The following MMP19 variants were observed in gnomAD, a reference collection of about 807,000 sequenced individuals.
MMP19 encodes matrix metalloproteinase-19.
A neutral mutation model predicts 46.6 loss-of-function variants in MMP19; 47 were observed. That is an observed-to-expected ratio of 1.01 (90% confidence interval 0.80 to 1.29). The LOEUF (loss-of-function observed/expected upper bound fraction) is 1.29. Among genes scored for constraint, MMP19 ranks in the 50% most tolerant of loss-of-function variants. The probability of loss-of-function intolerance (pLI) is 0.00; values close to 1 mark genes in which losing one functional copy is unlikely to be tolerated. For synonymous variants in MMP19, 222 were observed against 248.5 expected (o/e 0.89, Z 1.00); for missense variants, 589 against 643.5 (o/e 0.92, Z 0.92).
intron 1 of MMP19, 137 bp from the exon 2 acceptor site, chr12:55,842,575 C>T (rs1881772426): frequency 2.3e-6 from 2 of 886,982 alleles, no homozygotes; most frequent in East Asian, 2.4e-5. Context: ...AGAGAAGGGG[C>T]TCAGGTGGAA....
At chr12:55,840,909 G>A in intron 3 of MMP19, 27 bp from the exon 4 acceptor site, 1 of 1,550,336 alleles carries the variant, frequency 6.5e-7, no homozygotes, top group East Asian at 2.3e-5. Context: ...AAACAGATTA[G>A]AAATACAGAT....
In MMP19 at chr12:55,836,970, G is replaced by T; in HGVS notation, c.*66C>A. On this transcript the variant is annotated 3_prime_UTR_variant, in exon 9 of 9. Coordinates refer to ENST00000322569, the MANE Select transcript of MMP19 (RefSeq NM_002429.6). ...TATTAGGCCTTAGGCTTCTGGGGGG[G>T]AAATGAAAGGGTGGGTGGTGGAGCC... 1.4e-6 allele frequency: 2 copies of T among 1,393,334 alleles called. No homozygotes were observed. Among genetic ancestry groups the T allele is most frequent in the Non-Finnish European group, 1.9e-6 (2 of 1,026,176 alleles). The allele number at this position is 1,393,334 out of a possible 1,614,324, so 86.3% of individuals were successfully genotyped here.
chr12:55,836,363 TATA>T lies in MMP19; in HGVS notation c.*670_*672del, dbSNP rs1430932965. 1.3e-5 allele frequency: 2 copies of T among 152,382 alleles called. No homozygotes were observed. The highest frequency in any genetic ancestry group is 4.8e-5 in the African/African-American group (2 of 41,572). 9.4% of individuals were successfully genotyped at this position (152,382 alleles called of 1,614,324 possible). On this transcript the variant is annotated 3_prime_UTR_variant, in exon 9 of 9. Transcript: ENST00000322569. ...AAAGATCTAATAGAGATGCCCTTATTATACAGACTACTGTAAGAGTTATACAGC... is the reference window on the plus strand; with the variant it reads ...AAAGATCTAATAGAGATGCCCTTATTCAGACTACTGTAAGAGTTATACAGC...
chr12:55,836,444 C>CT lies in MMP19; in HGVS notation c.*591dup, dbSNP rs1881217072. 6.6e-6 allele frequency: 1 copy of CT among 152,336 alleles called. No individual in the cohort carries two copies. The allele number at this position is 152,336 out of a possible 1,614,324, so 9.4% of individuals were successfully genotyped here. ...TCCTCTCTTATGAACATGGAGTTAG[C>CT]TTTTATTAAACACAAATGTACCAGA... is the stretch of plus-strand genomic sequence containing the variant. On this transcript the variant is annotated 3_prime_UTR_variant, in exon 9 of 9. Transcript: ENST00000322569.
rs186180551 is a variant in MMP19, at chr12:55,837,591, G to A, written c.1152C>T (p.Leu384=). ...ACACCTTTTGGTTGAGAGGCCAATA[G>A]AGAGCTGCATCCAGGTTAGGTTCTA... The part of the protein sequence containing the change: ...NRVEPNLDAA[L]YWPLNQKVFL... Residue 384 remains leucine (L), a synonymous_variant, in exon 8 of 9, where the codon CTC becomes CTT. Coordinates refer to ENST00000322569, the MANE Select transcript of MMP19 (RefSeq NM_002429.6). 2.6e-4 allele frequency: 414 copies of A among 1,614,210 alleles called. 4 individuals carry two copies. The Admixed American group carries it at 6.4e-3, about 25-fold the overall frequency.
chr12:55,836,941 C>G lies in MMP19; in HGVS notation c.*95G>C. On this transcript the variant is annotated 3_prime_UTR_variant, in exon 9 of 9. Coordinates refer to ENST00000322569, the MANE Select transcript of MMP19 (RefSeq NM_002429.6). ...CTACTGAGCAGACAGGTATTTCATTCAGCTATTAGGCCTTAGGCTTCTGGG... is the reference window on the plus strand; with the variant it reads ...CTACTGAGCAGACAGGTATTTCATTGAGCTATTAGGCCTTAGGCTTCTGGG... 4 of 1,154,570 alleles carry G rather than the reference C, an allele frequency of 3.5e-6. No homozygotes were observed. The highest frequency in any genetic ancestry group is 4.9e-6 in the Non-Finnish European group (4 of 817,086). 71.5% of individuals were successfully genotyped at this position (1,154,570 alleles called of 1,614,324 possible). A position where few individuals can be genotyped will look rare whatever the true frequency, so the allele number is the denominator to read the frequency against.
At chr12:55,838,461 C>T in intron 6 of MMP19, 145 bp downstream of exon 6, 1 of 1,590,212 alleles carries the variant, frequency 6.3e-7, no homozygotes, top group Non-Finnish European at 8.6e-7. Context: ...CCCCATGTCA[C>T]ATGTCTCCTT....
At chr12:55,841,258 G>A in intron 2 of MMP19, 22 bp from the exon 3 acceptor site, 1 of 1,605,574 alleles carries the variant, frequency 6.2e-7, no homozygotes, top group Middle Eastern at 1.7e-4. Context: ...AGAGGGATGG[G>A]TCTACCAGGA....
chr12:55,837,056 C>A lies in MMP19; in HGVS notation c.1507G>T (p.Glu503Ter). ...AGCAGTCAGTATTCAAACGTGGTTT[C>A]TGTGGCTGAGAGAGTGGTATCCAAG... ...ITLDTTLSAT[E>*]TTFEY Residue 503 changes from glutamate (E) to a stop codon, truncating the protein, a stop_gained, in exon 9 of 9, where the codon GAA becomes TAA. Coordinates refer to ENST00000322569, the MANE Select transcript of MMP19 (RefSeq NM_002429.6). LOFTEE classifies it high-confidence loss of function. The A allele has an allele frequency of 6.4e-7, 1 of 1,573,542 alleles. No homozygotes were observed.
chr12:55,837,063 TGA>T lies in MMP19; in HGVS notation c.1498_1499del (p.Ala501HisfsTer6), dbSNP rs763104150. ...GTGITLDTTLSATETTFEY is the reference protein window; with the variant it reads ...GTGITLDTTLXATETTFEY ...AGTATTCAAACGTGGTTTCTGTGGC[TGA>T]GAGAGTGGTATCCAAGGTTATGCCC... is the stretch of plus-strand genomic sequence containing the variant. On this transcript the variant is annotated frameshift_variant, in exon 9 of 9. Coordinates refer to ENST00000322569, the MANE Select transcript of MMP19 (RefSeq NM_002429.6). LOFTEE classifies it high-confidence loss of function. 1.5e-5 allele frequency: 23 copies of T among 1,580,830 alleles called. No individual in the cohort carries two copies. The highest frequency in any genetic ancestry group is 3.5e-5 in the Admixed American group (2 of 57,594).
intron 4 of MMP19, 56 bp from the exon 5 acceptor site, chr12:55,839,797 C>T: frequency 6.5e-7 from 1 of 1,548,106 alleles, no homozygotes; most frequent in Non-Finnish European, 8.8e-7. Context: ...GGCTAGAGCA[C>T]ACCCTGCCTA....
chr12:55,840,908 A>C, intron 3 of MMP19, 26 bp from the exon 4 acceptor site: 1 of 1,550,550 alleles, frequency 6.4e-7, no homozygotes, highest in Non-Finnish European at 8.7e-7. Context: ...AAAACAGATT[A>C]GAAATACAGA....
intron 3 of MMP19, 50 bp from the exon 4 acceptor site, chr12:55,840,932 C>A: frequency 6.5e-7 from 1 of 1,538,250 alleles, no homozygotes; most frequent in South Asian, 1.3e-5. Context: ...TTCTGCCAAC[C>A]CCAGAGAGCT....
At chr12:55,837,741 T>G (rs546345277) in intron 7 of MMP19, 59 bp from the exon 8 acceptor site, 1 of 1,607,678 alleles carries the variant, frequency 6.2e-7, no homozygotes, top group South Asian at 1.1e-5. Flanking sequence ...GCTTTTGGTC[T>G]CCTCCGGTCC....
At position 55,837,197 on chromosome 12, in the gene MMP19, G is replaced by A. The variant is rs530702678; in HGVS notation, c.1366C>T (p.Arg456Ter). The A allele has an allele frequency of 3.1e-5, 50 of 1,614,196 alleles. No homozygotes were observed. The African/African-American group carries it at 3.7e-4, about 12-fold the overall frequency. ...TTTCTGGGATAGCCTTTCTCTACTC[G>A]AAGCTGCTGGTTGAGGCGCCAGTAG... ...KVYWRLNQQL[R>*]VEKGYPRNIS... Residue 456 changes from arginine to a stop codon, truncating the protein, a stop_gained, in exon 9 of 9, where the codon CGA (arginine) becomes TGA (stop). Transcript: ENST00000322569. LOFTEE classifies it low-confidence loss of function (END_TRUNC).
At chr12:55,839,958 C>T (rs1230582592) in intron 4 of MMP19, 1 of 612,594 alleles carries the variant, frequency 1.6e-6, no homozygotes, top group Admixed American at 3.1e-5. Context: ...CAGCCACTCC[C>T]TGCTCTCTGA....
At chr12:55,841,558 T>TTC (rs1565699596) in intron 2 of MMP19, 126 of 189,676 alleles carry the variant, frequency 6.6e-4, no homozygotes, top group African/African-American at 3.5e-3. Context: ...TTCCTTCCTT[T>TTC]CTTTTTCTTC....
intron 5 of MMP19, among the ~76,000 whole-genome samples, chr12:55,839,241 CAAAA>C (rs763182567): frequency 5.1e-5 from 3 of 58,772 alleles, no homozygotes; most frequent in Non-Finnish European, 6.9e-5. Context: ...GGCTCTATCT[CAAAA>C]AAAAAAAAAA....
intron 5 of MMP19, among the ~76,000 whole-genome samples, chr12:55,839,111 G>A (rs144512537): frequency 1.9e-4 from 29 of 152,018 alleles, no homozygotes; most frequent in African/African-American, 6.3e-4. Flanking sequence ...GCGTGGTTGC[G>A]TGTGCCTGTA....
Sources: allele counts gnomAD v4.1 joint callset (sites outside exome capture counted in the v4.1 genomes callset), GRCh38; gene constraint gnomAD v4.1.1; transcripts MANE v1.5; gene names NCBI Gene and HGNC (gene_info 2026-07-23, HGNC 2026-07-21).